GOLGA7: variants seen among roughly 807,000 people sequenced by gnomAD.
GOLGA7 encodes the protein golgin A7, also known as golgin subfamily A member 7.
A neutral mutation model predicts 21.1 loss-of-function variants in GOLGA7; 10 were observed. The ratio of observed to expected loss-of-function variants is 0.47; its 90% CI spans 0.29 to 0.80. The LOEUF (loss-of-function observed/expected upper bound fraction) is 0.80. Among genes scored for constraint, GOLGA7 ranks in the 30% least tolerant of loss-of-function variants. The pLI is 0.08. For missense variants in GOLGA7, 114 were observed against 166.8 expected (o/e 0.68, Z 1.74); for synonymous variants, 64 against 62.6 (o/e 1.02, Z -0.10).
At chr8:41,493,398 T>G (rs983790962) in intron 1 of GOLGA7, among the ~76,000 whole-genome samples, 1 of 152,238 alleles carries the variant, frequency 6.6e-6, no homozygotes, top group Admixed American at 6.5e-5. Flanking sequence ...TAAAGCATTT[T>G]TTAAAAATAC....
Position 41,490,787 on chromosome 8 carries a change from C to G in GOLGA7, c.-68C>G. On this transcript the variant is annotated 5_prime_UTR_variant, in exon 1 of 5. Coordinates refer to ENST00000357743, the MANE Select transcript of GOLGA7 (RefSeq NM_001002296.2). ...GGCTGGCGGGTCAGAGTCCCGGGTC[C>G]AGGCCGGGGCTCTGACTCGCGGTTG... is the stretch of plus-strand genomic sequence containing the variant. 1.2e-6 allele frequency: 1 copy of G among 856,958 alleles called. No homozygotes were observed. The highest frequency in any genetic ancestry group is 2.6e-5 in the East Asian group (1 of 37,772). 53.1% of individuals were successfully genotyped at this position (856,958 alleles called of 1,614,324 possible).
chr8:41,491,028 G>C (rs1805870451), intron 1 of GOLGA7, 63 bp downstream of exon 1: 1 of 979,542 alleles, frequency 1.0e-6, no homozygotes, highest in Non-Finnish European at 1.6e-6. Context: ...GGGACGGGAA[G>C]GGTGTGGGCG....
At chr8:41,492,277 A>G (rs1329867771) in intron 1 of GOLGA7, among the ~76,000 whole-genome samples, 1 of 152,262 alleles carries the variant, frequency 6.6e-6, no homozygotes, top group East Asian at 1.9e-4. Flanking sequence ...GAAGAGGTAG[A>G]AATTCAGCAA....
At chr8:41,503,887 G>T (rs1444271688) in intron 2 of GOLGA7, among the ~76,000 whole-genome samples, 2 of 151,130 alleles carry the variant, frequency 1.3e-5, no homozygotes, top group Non-Finnish European at 2.9e-5. Context: ...GATTGACTTG[G>T]CATATTCTCA....
intron 1 of GOLGA7, among the ~76,000 whole-genome samples, chr8:41,492,168 G>A (rs1455324578): frequency 6.6e-6 from 1 of 152,180 alleles, no homozygotes; most frequent in Non-Finnish European, 1.5e-5. Flanking sequence ...ATGGTGAGGT[G>A]ACTTGTTTCT....
chr8:41,491,621 G>A (rs1027176493), intron 1 of GOLGA7, among the ~76,000 whole-genome samples: 1 of 151,446 alleles, frequency 6.6e-6, no homozygotes, highest in Non-Finnish European at 1.5e-5. Flanking sequence ...GGGCAACATT[G>A]CAGGCAAAAA....
Position 41,497,521 on chromosome 8 carries a change from C to T in GOLGA7, c.124C>T (p.Gln42Ter). The T allele has an allele frequency of 1.3e-6, 2 of 1,539,594 alleles. No individual in the cohort carries two copies. Among genetic ancestry groups the T allele is most frequent in the Non-Finnish European group, 1.8e-6 (2 of 1,124,322 alleles). ...TTCTTCTCTACAGATTGATAGGCAG[C>T]AGTTTGAAGAAACAGTTCGAACTCT... is the stretch of plus-strand genomic sequence containing the variant. ...AELENRIDRQQFEETVRTLNN... is the reference protein window; with the variant it reads ...AELENRIDRQ Residue 42 changes from glutamine to a stop codon, truncating the protein, a stop_gained, in exon 2 of 5, where the codon CAG becomes TAG. Transcript: ENST00000357743. LOFTEE classifies it high-confidence loss of function.
rs768679735 is a variant in GOLGA7 at position 41,510,448 on chromosome 8, G to T, written c.*880G>T. 3.9e-5 allele frequency: 6 copies of T among 152,504 alleles called. No individual in the cohort carries two copies. The highest frequency in any genetic ancestry group is 1.3e-4 in the Admixed American group (2 of 15,262). The allele number at this position is 152,504 out of a possible 1,614,324, so 9.4% of individuals were successfully genotyped here. A position where few individuals can be genotyped will look rare whatever the true frequency, so the allele number is the denominator to read the frequency against. ...GTTTTGTTATAAATATAACTTATGA[G>T]AAAAAAATTTGATAGGAATAATACT... is the stretch of plus-strand genomic sequence containing the variant. On this transcript the variant is annotated 3_prime_UTR_variant, in exon 5 of 5. Transcript: ENST00000357743.
chr8:41,501,135 T>C (rs1343132587), intron 2 of GOLGA7, among the ~76,000 whole-genome samples: 3 of 152,222 alleles, frequency 2.0e-5, no homozygotes, highest in Non-Finnish European at 2.9e-5. Flanking sequence ...ATAGAAGTAC[T>C]GATGTCATTT....
chr8:41,490,868 A>C lies in GOLGA7; in HGVS notation c.14A>C (p.Gln5Pro). ...CCTGTCCTCGCCATGAGGCCGCAGCAGGCGCCGGTGTCCGGAAAGGTGTTC... is the reference window on the plus strand; with the variant it reads ...CCTGTCCTCGCCATGAGGCCGCAGCCGGCGCCGGTGTCCGGAAAGGTGTTC... MRPQ[Q>P]APVSGKVFIQ... The change falls in exon 1 of 5, where the codon CAG becomes CCG. Residue 5 changes from glutamine to proline, a missense_variant. Coordinates refer to ENST00000357743, the MANE Select transcript of GOLGA7 (RefSeq NM_001002296.2). 6.3e-7 allele frequency: 1 copy of C among 1,593,892 alleles called. No homozygotes were observed. Among genetic ancestry groups the C allele is most frequent in the African/African-American group, 1.3e-5 (1 of 74,702 alleles).
At chr8:41,493,684 A>G (rs983738630) in intron 1 of GOLGA7, among the ~76,000 whole-genome samples, 1 of 152,120 alleles carries the variant, frequency 6.6e-6, no homozygotes, top group East Asian at 1.9e-4. Flanking sequence ...TTGACCTGCC[A>G]CCCTTGATAC....
chr8:41,506,427 A>G (rs1166954032), intron 3 of GOLGA7, among the ~76,000 whole-genome samples: 1 of 152,220 alleles, frequency 6.6e-6, no homozygotes, highest in Non-Finnish European at 1.5e-5. Context: ...AGTTGAAATC[A>G]GTTACAGCTG....
intron 2 of GOLGA7, among the ~76,000 whole-genome samples, chr8:41,505,178 T>A (rs921738532): frequency 6.6e-6 from 1 of 152,232 alleles, no homozygotes; most frequent in Non-Finnish European, 1.5e-5. Context: ...CAGAAGTTCC[T>A]TTGTATCCTA....
chr8:41,496,305 G>C (rs1806012558), intron 1 of GOLGA7, among the ~76,000 whole-genome samples: 1 of 151,940 alleles, frequency 6.6e-6, no homozygotes, highest in African/African-American at 2.4e-5. Flanking sequence ...ACTATGTGTT[G>C]TGCGCCTGCA....
At chr8:41,500,594 T>C (rs1260028899) in intron 2 of GOLGA7, among the ~76,000 whole-genome samples, 1 of 152,188 alleles carries the variant, frequency 6.6e-6, no homozygotes, top group African/African-American at 2.4e-5. Context: ...GAGATTTTCA[T>C]TTTATTTATT....
intron 2 of GOLGA7, among the ~76,000 whole-genome samples, chr8:41,499,286 G>A (rs968616388): frequency 3.2e-4 from 49 of 152,288 alleles, no homozygotes; most frequent in African/African-American, 1.1e-3. Context: ...GCCCCAGTGG[G>A]CATATGTTAC....
chr8:41,493,883 C>T (rs1805944426), intron 1 of GOLGA7, among the ~76,000 whole-genome samples: 1 of 152,188 alleles, frequency 6.6e-6, no homozygotes, highest in African/African-American at 2.4e-5. Context: ...TAAGGGAGAA[C>T]ACTGGCCACT....
intron 2 of GOLGA7, among the ~76,000 whole-genome samples, chr8:41,500,459 G>A (rs1243473104): frequency 1.3e-5 from 2 of 152,222 alleles, no homozygotes; most frequent in African/African-American, 4.8e-5. Flanking sequence ...ATGATGGGAG[G>A]TGGATTTGGA....
chr8:41,495,500 G>C (rs567066000), intron 1 of GOLGA7, among the ~76,000 whole-genome samples: 1 of 150,968 alleles, frequency 6.6e-6, no homozygotes, highest in Non-Finnish European at 1.5e-5. Flanking sequence ...GCCCAGGCTG[G>C]TCTCAAACTC....
Sources: gnomAD v4.1 joint callset for allele counts (sites outside exome capture counted in the v4.1 genomes callset) on GRCh38, gnomAD v4.1.1 for gene constraint, MANE v1.5 for transcripts, NCBI Gene and HGNC (gene_info 2026-07-23, HGNC 2026-07-21) for gene names.